The following DOCK3 variants were observed in gnomAD, a reference collection of about 807,000 sequenced individuals.
DOCK3 encodes dedicator of cytokinesis 3.
Under a neutral mutation model 265.6 loss-of-function variants are expected in DOCK3, and 60 were observed. That is an observed-to-expected ratio of 0.23 (90% confidence interval 0.18 to 0.28). DOCK3 has a LOEUF of 0.28. DOCK3 is among the 10% of genes least tolerant of loss of function. DOCK3 has a pLI of 1.00. For missense variants in DOCK3, 1,981 were observed against 2,594.3 expected, an observed-to-expected ratio of 0.76 and a Z score of 5.14; for synonymous variants, 881 against 938.0, an observed-to-expected ratio of 0.94 and a Z score of 1.11.
At chr3:51,145,720 C>T (rs930080018) in intron 9 of DOCK3, among the ~76,000 whole-genome samples, 2 of 152,126 alleles carry the variant, frequency 1.3e-5, no homozygotes, top group Non-Finnish European at 2.9e-5. Flanking sequence ...GACACTGCTG[C>T]CCTAAAGTGA....
intron 10 of DOCK3, among the ~76,000 whole-genome samples, chr3:51,151,009 A>G (rs1342648622): frequency 6.6e-6 from 1 of 152,050 alleles, no homozygotes; most frequent in Non-Finnish European, 1.5e-5. Context: ...TGCTTTATGA[A>G]TCTTGGTGCT....
At chr3:51,120,513 C>G (rs1560089829) in intron 9 of DOCK3, among the ~76,000 whole-genome samples, 1 of 152,206 alleles carries the variant, frequency 6.6e-6, no homozygotes, top group Non-Finnish European at 1.5e-5. Context: ...GATTGCTGCT[C>G]TCTGCAGAGC....
chr3:50,863,358 C>T (rs1192892526), intron 3 of DOCK3: 2 of 511,632 alleles, frequency 3.9e-6, no homozygotes, highest in Non-Finnish European at 7.8e-6. Context: ...GCTGGCTACC[C>T]GGTTCTTTGT....
At chr3:50,908,910 A>G (rs1575504187) in intron 4 of DOCK3, among the ~76,000 whole-genome samples, 1 of 152,140 alleles carries the variant, frequency 6.6e-6, no homozygotes, top group East Asian at 1.9e-4. Flanking sequence ...TATTGGGTGC[A>G]TATGTATTTA....
At chr3:51,073,049 T>TTTG (rs1187920147) in intron 6 of DOCK3, among the ~76,000 whole-genome samples, 1 of 152,086 alleles carries the variant, frequency 6.6e-6, no homozygotes, top group East Asian at 1.9e-4. Context: ...CTCATTCTTT[T>TTTG]TTGTTGTTGT....
intron 11 of DOCK3, among the ~76,000 whole-genome samples, 196 bp downstream of exon 11, chr3:51,159,500 G>A (rs1383604604): frequency 5.3e-5 from 8 of 151,810 alleles, no homozygotes; most frequent in African/African-American, 4.8e-5. Flanking sequence ...GATTCGGGGG[G>A]GTGGGTTTTG....
intron 1 of DOCK3, among the ~76,000 whole-genome samples, chr3:50,757,718 G>C (rs1189531148): frequency 6.6e-6 from 1 of 151,886 alleles, no homozygotes; most frequent in Non-Finnish European, 1.5e-5. Context: ...ATTTACTCCT[G>C]TTTAAGAATT....
intron 5 of DOCK3, among the ~76,000 whole-genome samples, chr3:50,959,530 TTG>T (rs201803035): frequency 0.095 from 13,878 of 145,620 alleles, 1,315 homozygotes; most frequent in East Asian, 0.34. Context: ...TCTTTTTATG[TTG>T]TGTGTGTGTG....
At chr3:50,826,412 C>T (rs1405982211) in intron 2 of DOCK3, among the ~76,000 whole-genome samples, 8 of 152,284 alleles carry the variant, frequency 5.3e-5, no homozygotes, top group South Asian at 2.1e-4. Context: ...ACAAATGATA[C>T]GGTGAGATCT....
intron 9 of DOCK3, among the ~76,000 whole-genome samples, chr3:51,145,044 A>G (rs2085234289): frequency 6.6e-6 from 1 of 152,190 alleles, no homozygotes; most frequent in South Asian, 2.1e-4. Flanking sequence ...ACTGTTTCTA[A>G]GGTTTTCTAG....
intron 5 of DOCK3, among the ~76,000 whole-genome samples, chr3:51,039,757 C>T (rs1457164002): frequency 1.3e-5 from 2 of 151,980 alleles, no homozygotes; most frequent in African/African-American, 4.8e-5. Context: ...CCCAGTCTAT[C>T]ATGTCTGCTC....
At chr3:50,743,993 T>TG (rs1332879356) in intron 1 of DOCK3, among the ~76,000 whole-genome samples, 4 of 152,214 alleles carry the variant, frequency 2.6e-5, no homozygotes, top group Non-Finnish European at 5.9e-5. Context: ...TCGTAGTGTA[T>TG]GTGAAGTAGT....
intron 1 of DOCK3, among the ~76,000 whole-genome samples, chr3:50,722,876 A>T (rs530752425): frequency 6.7e-6 from 1 of 149,148 alleles, no homozygotes; most frequent in African/African-American, 2.5e-5. Flanking sequence ...GGCTCAAGGC[A>T]TGCTCCCCAC....
rs545781322 is a variant in DOCK3, at chr3:51,182,447, G to A, written c.1037+21745G>A. ...ATTCCCTGGGGGTTTCCATCCTGGA[G>A]GTGCTATTGAGTGTATTTATTCCTT... On this transcript the variant is annotated intron_variant, in intron 12 of 52. Coordinates refer to ENST00000266037, the MANE Select transcript of DOCK3 (RefSeq NM_004947.5). Among the ~76,000 whole-genome samples the A allele has an allele frequency of 2.6e-5, 4 of 152,278 alleles. No homozygotes were observed. The East Asian group carries it at 5.8e-4, about 22-fold the overall frequency.
intron 9 of DOCK3, among the ~76,000 whole-genome samples, chr3:51,140,770 A>G (rs1006044480): frequency 3.3e-5 from 5 of 152,076 alleles, no homozygotes; most frequent in African/African-American, 1.2e-4. Flanking sequence ...ATGATTATCT[A>G]TCATTTTGAA....
intron 4 of DOCK3, among the ~76,000 whole-genome samples, chr3:50,920,861 T>G (rs906018728): frequency 6.6e-6 from 1 of 152,226 alleles, no homozygotes; most frequent in South Asian, 2.1e-4. Context: ...TTTTAGATCT[T>G]TCCTGCTTTC....
At chr3:50,984,896 T>C (rs2077837815) in intron 5 of DOCK3, among the ~76,000 whole-genome samples, 1 of 152,196 alleles carries the variant, frequency 6.6e-6, no homozygotes, top group Non-Finnish European at 1.5e-5. Flanking sequence ...AACCTAGAGA[T>C]GATTGGAAGT....
chr3:50,734,508 AT>A (rs1236907942), intron 1 of DOCK3, among the ~76,000 whole-genome samples: 1 of 152,084 alleles, frequency 6.6e-6, no homozygotes, highest in East Asian at 1.9e-4. Context: ...TCTCAAAAAA[AT>A]AACACCAAAC....
intron 12 of DOCK3, among the ~76,000 whole-genome samples, chr3:51,166,356 A>G (rs528079115): frequency 1.3e-5 from 2 of 152,166 alleles, no homozygotes; most frequent in South Asian, 4.1e-4. Flanking sequence ...TGGCCTATGT[A>G]TATTCTTTAT....
Sources: allele counts gnomAD v4.1 joint callset (sites outside exome capture counted in the v4.1 genomes callset), GRCh38; gene constraint gnomAD v4.1.1; transcripts MANE v1.5; gene names NCBI Gene and HGNC (gene_info 2026-07-23, HGNC 2026-07-21).